WDFY4: variants seen among roughly 807,000 people sequenced by gnomAD.
The protein encoded by WDFY4 is WD repeat- and FYVE domain-containing protein 4.
WDFY4 carries 169 observed loss-of-function variants against 351.9 expected under a neutral mutation model. That is an observed-to-expected ratio of 0.48 (90% CI 0.42 to 0.55). WDFY4 has a LOEUF of 0.55. Among genes scored for constraint, WDFY4 ranks in the 20% least tolerant of loss-of-function variants. The pLI is 0.00. For synonymous variants in WDFY4, 1,622 were observed against 1,574.6 expected (o/e 1.03, Z -0.71); for missense variants, 3,803 against 3,935.6 (o/e 0.97, Z 0.90).
At chr10:48,713,157 C>T (rs999270116) in intron 2 of WDFY4, among the ~76,000 whole-genome samples, 1 of 152,180 alleles carries the variant, frequency 6.6e-6, no homozygotes, top group Non-Finnish European at 1.5e-5. Flanking sequence ...GTCGGTCAGA[C>T]TCTGCATGGA....
At chr10:48,975,698 G>A (rs1842537597) in intron 58 of WDFY4, among the ~76,000 whole-genome samples, 1 of 152,166 alleles carries the variant, frequency 6.6e-6, no homozygotes, top group Non-Finnish European at 1.5e-5. Flanking sequence ...TAGATGAGTA[G>A]ATGGAGTGTG....
At chr10:48,895,188 C>A (rs1002813159) in intron 44 of WDFY4, among the ~76,000 whole-genome samples, 1 of 152,206 alleles carries the variant, frequency 6.6e-6, no homozygotes, top group African/African-American at 2.4e-5. Flanking sequence ...CAAGTCGAAG[C>A]TCTTAGTACT....
In WDFY4 at chr10:48,709,828, A is replaced by C; in HGVS notation, c.96A>C (p.Pro32=). The C allele has an allele frequency of 1.3e-6, 2 of 1,551,894 alleles. No homozygotes were observed. Among genetic ancestry groups the C allele is most frequent in the African/African-American group, 2.7e-5 (2 of 73,190 alleles). The change falls in exon 2 of 62, where the codon CCA becomes CCC. Residue 32 remains proline (P), a synonymous_variant. Transcript: ENST00000325239. ...GQLAAVQPDV[P]HGGQSSSPTA... ...TTGCTGCTGTGCAGCCTGATGTCCCACATGGAGGGCAGTCCTCCAGCCCCA... is the reference window on the plus strand; with the variant it reads ...TTGCTGCTGTGCAGCCTGATGTCCCCCATGGAGGGCAGTCCTCCAGCCCCA...
intron 1 of WDFY4, among the ~76,000 whole-genome samples, chr10:48,695,959 T>G (rs1407433782): frequency 6.6e-6 from 1 of 152,090 alleles, no homozygotes; most frequent in Non-Finnish European, 1.5e-5. Flanking sequence ...AGGAGCCCAG[T>G]GAGGACTGGA....
At chr10:48,916,409 G>T (rs1049933383) in intron 47 of WDFY4, among the ~76,000 whole-genome samples, 3 of 152,144 alleles carry the variant, frequency 2.0e-5, no homozygotes, top group African/African-American at 7.2e-5. Context: ...CTTCTCTCCT[G>T]TCTCATCCCA....
chr10:48,936,784 G>A (rs1448902278), intron 47 of WDFY4, among the ~76,000 whole-genome samples: 1 of 149,274 alleles, frequency 6.7e-6, no homozygotes, highest in Non-Finnish European at 1.5e-5. Flanking sequence ...GTTGCAGTGA[G>A]CCGAGATCGC....
intron 39 of WDFY4, among the ~76,000 whole-genome samples, chr10:48,852,907 G>T (rs527712722): frequency 4.1e-4 from 62 of 152,216 alleles, no homozygotes; most frequent in African/African-American, 1.4e-3. Context: ...TATACTGTAT[G>T]CTCTGTCTTC....
intron 39 of WDFY4, among the ~76,000 whole-genome samples, chr10:48,847,300 C>T (rs1287210531): frequency 6.6e-6 from 1 of 152,144 alleles, no homozygotes; most frequent in Non-Finnish European, 1.5e-5. Context: ...TTCACTTTAA[C>T]TTTATCACCT....
chr10:48,978,272 G>A (rs2292585), intron 59 of WDFY4, 37 bp from the exon 60 acceptor site: 770,609 of 1,541,536 alleles, frequency 0.5, 194,552 homozygotes, highest in East Asian at 0.7. Flanking sequence ...AGACAGGATC[G>A]TCTTCCCCGC....
intron 13 of WDFY4, among the ~76,000 whole-genome samples, chr10:48,773,373 A>G (rs1347115401): frequency 2.0e-5 from 3 of 152,234 alleles, no homozygotes; most frequent in Non-Finnish European, 1.5e-5. Flanking sequence ...ACGACATCTT[A>G]TCCAGCAACA....
At chr10:48,778,948 C>T (rs2066128146) in intron 18 of WDFY4, 116 bp downstream of exon 18, 1 of 1,181,292 alleles carries the variant, frequency 8.5e-7, no homozygotes, top group East Asian at 2.6e-5. Context: ...TTCTCCTCAT[C>T]CTTTGAAATT....
intron 53 of WDFY4, among the ~76,000 whole-genome samples, chr10:48,963,112 G>A (rs1042342839): frequency 6.6e-6 from 1 of 152,148 alleles, no homozygotes; most frequent in South Asian, 2.1e-4. Context: ...GGAGTGTTAG[G>A]ATCAAAAACC....
chr10:48,741,682 C>G (rs1035333229), intron 11 of WDFY4, among the ~76,000 whole-genome samples: 7 of 152,284 alleles, frequency 4.6e-5, no homozygotes, highest in African/African-American at 1.7e-4. Context: ...CATCACCCCT[C>G]CCCCAGATAG....
intron 13 of WDFY4, among the ~76,000 whole-genome samples, chr10:48,768,755 G>GAGAGAGAGAGAGAGAA: frequency 6.6e-6 from 1 of 150,492 alleles, no homozygotes; most frequent in Admixed American, 6.6e-5. Context: ...GAGAGAGAGA[G>GAGAGAGAGAGAGAGAA]AACCAGCCAT....
At chr10:48,710,849 G>A (rs1239349565) in intron 2 of WDFY4, among the ~76,000 whole-genome samples, 1 of 152,234 alleles carries the variant, frequency 6.6e-6, no homozygotes, top group African/African-American at 2.4e-5. Context: ...GTGACAGCTT[G>A]GCTGCAAGGG....
rs760966561 is a variant in WDFY4, at chr10:48,822,543, A to G, written c.5982+6A>G. 1.3e-6 allele frequency: 2 copies of G among 1,527,054 alleles called. No individual in the cohort carries two copies. Among genetic ancestry groups the G allele is most frequent in the Non-Finnish European group, 1.8e-6 (2 of 1,131,422 alleles). 94.6% of individuals were successfully genotyped at this position (1,527,054 alleles called of 1,614,324 possible). On this transcript the variant is annotated splice_donor_region_variant and intron_variant, in intron 35 of 61. Coordinates refer to ENST00000325239, the MANE Select transcript of WDFY4 (RefSeq NM_001394531.1). ...TCCTGGAGCACATCATGGTGGTAAG[A>G]GCTGCTCACTGACCGGGTATCTGTG...
intron 24 of WDFY4, among the ~76,000 whole-genome samples, chr10:48,796,846 T>C (rs1156662850): frequency 6.6e-6 from 1 of 152,210 alleles, no homozygotes; most frequent in Non-Finnish European, 1.5e-5. Context: ...CAAATGATTC[T>C]TGAAAGGGGT....
chr10:48,977,463 ATCCATGTATCCC>A (rs937621787), intron 59 of WDFY4, among the ~76,000 whole-genome samples: 2 of 151,416 alleles, frequency 1.3e-5, no homozygotes, highest in African/African-American at 4.9e-5. Flanking sequence ...CCATCCATCC[ATCCATGTATCCC>A]TCCATGTATC....
In WDFY4 at chr10:48,919,210, A is replaced by G. The variant is rs557125884; in HGVS notation, c.7586+17347A>G. 1.5e-4 allele frequency among the ~76,000 whole-genome samples: 23 copies of G among 152,308 alleles called. No homozygotes were observed. The South Asian group carries it at 4.2e-3, about 28-fold the overall frequency. On this transcript the variant is annotated intron_variant, in intron 47 of 61. Coordinates refer to ENST00000325239, the MANE Select transcript of WDFY4 (RefSeq NM_001394531.1). ...AAGAAAGAGAAGCCAAATTACACAT[A>G]TCAGGAGTTAAAGGGAGGATTTACT...
Sources: gnomAD v4.1 joint callset for allele counts (sites outside exome capture counted in the v4.1 genomes callset) on GRCh38, gnomAD v4.1.1 for gene constraint, MANE v1.5 for transcripts, NCBI Gene and HGNC (gene_info 2026-07-23, HGNC 2026-07-21) for gene names.